Variants in MACROD2 observed in about 807,000 individuals in gnomAD.
MACROD2 encodes the protein ADP-ribose glycohydrolase MACROD2.
Under a neutral mutation model 70.4 loss-of-function variants are expected in MACROD2, and 36 were observed. That is an observed-to-expected ratio of 0.51 (90% CI 0.39 to 0.68). The LOEUF is 0.68. Among genes scored for constraint, MACROD2 ranks in the 30% least tolerant of loss-of-function variants. MACROD2 has a pLI of 0.00. For missense variants in MACROD2, 496 were observed against 538.4 expected, an observed-to-expected ratio of 0.92 and a Z score of 0.78; for synonymous variants, 172 against 178.8, an observed-to-expected ratio of 0.96 and a Z score of 0.30.
At chr20:15,885,857 TTTG>T in intron 10 of MACROD2, 46 bp downstream of exon 10, 1 of 1,477,046 alleles carries the variant, frequency 6.8e-7, no homozygotes, top group Non-Finnish European at 9.0e-7. Flanking sequence ...TAGGGGTCAT[TTTG>T]TTGTTTATGT....
At chr20:15,274,561 G>A (rs1329050291) in intron 6 of MACROD2, among the ~76,000 whole-genome samples, 1 of 152,180 alleles carries the variant, frequency 6.6e-6, no homozygotes, top group African/African-American at 2.4e-5. Context: ...ACGTCCTCTG[G>A]TAGGAAGGAC....
chr20:15,884,871 C>T (rs2064802935), intron 9 of MACROD2, among the ~76,000 whole-genome samples: 1 of 152,068 alleles, frequency 6.6e-6, no homozygotes, highest in African/African-American at 2.4e-5. Context: ...GGTGAGGTCC[C>T]TCTTCCTGTA....
chr20:15,526,849 A>C (rs1440204558), intron 8 of MACROD2, among the ~76,000 whole-genome samples: 2 of 152,214 alleles, frequency 1.3e-5, no homozygotes, highest in African/African-American at 2.4e-5. Context: ...CAAATAGAAG[A>C]TAATGACTAC....
chr20:15,790,163 A>C (rs997411757), intron 8 of MACROD2, among the ~76,000 whole-genome samples: 10 of 152,012 alleles, frequency 6.6e-5, no homozygotes, highest in African/African-American at 2.4e-4. Flanking sequence ...AGTCTTATGT[A>C]ATATAATCGT....
chr20:15,414,893 C>T (rs1357994343), intron 6 of MACROD2, among the ~76,000 whole-genome samples: 3 of 152,158 alleles, frequency 2.0e-5, no homozygotes, highest in Non-Finnish European at 4.4e-5. Context: ...CCCAGAGAAA[C>T]GGAATCAGAA....
chr20:14,889,162 A>G (rs1034822149), intron 5 of MACROD2, among the ~76,000 whole-genome samples: 1 of 152,100 alleles, frequency 6.6e-6, no homozygotes, highest in African/African-American at 2.4e-5. Flanking sequence ...ACTGTTTTCC[A>G]TCTCATGCTG....
In MACROD2 at chr20:15,058,576, G is replaced by A. The variant is rs140660666; in HGVS notation, c.419-171364G>A. The stretch of plus-strand genomic sequence containing the variant: ...TTTCTATTTGCTAAATCTGGCAACT[G>A]TAGGTAGAAGATGTTTTTCAGGGAT... On this transcript the variant is annotated intron_variant, in intron 5 of 17. Coordinates refer to ENST00000684519, the MANE Select transcript of MACROD2 (RefSeq NM_001351661.2). Among the ~76,000 whole-genome samples, 215 of 152,302 alleles carry A rather than the reference G, an allele frequency of 1.4e-3. 5 individuals carry two copies. The East Asian group carries it at 0.035, about 25-fold the overall frequency.
At chr20:14,896,669 C>T (rs2073833887) in intron 5 of MACROD2, among the ~76,000 whole-genome samples, 1 of 151,712 alleles carries the variant, frequency 6.6e-6, no homozygotes, top group Non-Finnish European at 1.5e-5. Flanking sequence ...AAAATGACAT[C>T]AAGCATTGAT....
chr20:14,004,289 C>A (rs771857644), intron 2 of MACROD2, among the ~76,000 whole-genome samples: 1 of 152,178 alleles, frequency 6.6e-6, no homozygotes, highest in Non-Finnish European at 1.5e-5. Context: ...TATCCTCTAA[C>A]AAGATATTGC....
At chr20:15,290,706 A>C (rs1403887066) in intron 6 of MACROD2, among the ~76,000 whole-genome samples, 1 of 152,252 alleles carries the variant, frequency 6.6e-6, no homozygotes, top group African/African-American at 2.4e-5. Context: ...CCAGCATTAC[A>C]AATCCAGATC....
At chr20:14,951,612 G>A (rs1244924537) in intron 5 of MACROD2, among the ~76,000 whole-genome samples, 2 of 152,098 alleles carry the variant, frequency 1.3e-5, no homozygotes, top group African/African-American at 2.4e-5. Flanking sequence ...GGGCATCACT[G>A]GCCCCAGAGA....
Position 14,456,441 on chromosome 20 carries a change from A to G in MACROD2, c.272-37038A>G, listed in dbSNP as rs747621765. On this transcript the variant is annotated intron_variant, in intron 3 of 17. Transcript: ENST00000684519. ...GCTCATCATTCATGATTAAAGACAC[A>G]TAAGCCTAAAGAAGTATCTCCAGCT... Among the ~76,000 whole-genome samples the G allele has an allele frequency of 5.5e-4, 84 of 151,976 alleles. 1 individual carries two copies. Among genetic ancestry groups the G allele is most frequent in the Admixed American group, 2.8e-3 (43 of 15,294 alleles).
At chr20:15,611,309 C>G (rs1387409446) in intron 8 of MACROD2, among the ~76,000 whole-genome samples, 2 of 152,140 alleles carry the variant, frequency 1.3e-5, no homozygotes, top group Non-Finnish European at 2.9e-5. Flanking sequence ...CCAAAGATAA[C>G]ACAATGGCAG....
chr20:15,929,806 G>A (rs1275803230), intron 10 of MACROD2, among the ~76,000 whole-genome samples: 2 of 152,128 alleles, frequency 1.3e-5, no homozygotes, highest in Non-Finnish European at 2.9e-5. Flanking sequence ...CGTTGCAGCA[G>A]GAGCCTCTTA....
chr20:14,301,923 T>C (rs990705818), intron 3 of MACROD2, among the ~76,000 whole-genome samples: 11 of 152,198 alleles, frequency 7.2e-5, no homozygotes, highest in Admixed American at 3.9e-4. Flanking sequence ...GTAAGTTCTC[T>C]TGATTTCCTT....
At chr20:14,864,773 T>TA (rs1456370727) in intron 5 of MACROD2, among the ~76,000 whole-genome samples, 1 of 152,090 alleles carries the variant, frequency 6.6e-6, no homozygotes, top group Non-Finnish European at 1.5e-5. Flanking sequence ...TGTTTAGATC[T>TA]AAAATCCCAG....
In MACROD2 at chr20:15,850,874, C is replaced by T. The variant is rs73898559; in HGVS notation, c.646-11871C>T. On this transcript the variant is annotated intron_variant, in intron 8 of 17. Coordinates refer to ENST00000684519, the MANE Select transcript of MACROD2 (RefSeq NM_001351661.2). ...GTATAGCGTATATTGACTTCAAGTG[C>T]TCTTTTACAAAACAAGTCCTGACTT... is the stretch of plus-strand genomic sequence containing the variant. Among the ~76,000 whole-genome samples, 1,204 of 152,230 alleles carry T rather than the reference C, an allele frequency of 7.9e-3. 17 individuals carry two copies. The highest frequency in any genetic ancestry group is 0.028 in the African/African-American group (1,147 of 41,538).
At chr20:15,539,727 C>A (rs1367817040) in intron 8 of MACROD2, among the ~76,000 whole-genome samples, 1 of 152,196 alleles carries the variant, frequency 6.6e-6, no homozygotes, top group Non-Finnish European at 1.5e-5. Context: ...GTGGCTCATG[C>A]CTGTTATCCC....
At chr20:15,561,237 C>T (rs1896117653) in intron 8 of MACROD2, among the ~76,000 whole-genome samples, 1 of 152,206 alleles carries the variant, frequency 6.6e-6, no homozygotes, top group Non-Finnish European at 1.5e-5. Context: ...TGTCATTACG[C>T]ATTTTATTGG....
Sources: gnomAD v4.1 joint callset for allele counts (sites outside exome capture counted in the v4.1 genomes callset) on GRCh38, gnomAD v4.1.1 for gene constraint, MANE v1.5 for transcripts, NCBI Gene and HGNC (gene_info 2026-07-23, HGNC 2026-07-21) for gene names.